UST: variants seen among roughly 807,000 people sequenced by gnomAD.
The protein encoded by UST is uronyl 2-sulfotransferase.
UST carries 21 observed loss-of-function variants against 45.6 expected under a neutral mutation model. That is an observed-to-expected ratio of 0.46 (90% CI 0.33 to 0.66). The LOEUF (loss-of-function observed/expected upper bound fraction) is 0.66. UST is among the 30% of genes least tolerant of loss of function. UST has a pLI of 0.02. For missense variants in UST, 463 were observed against 512.4 expected (o/e 0.90, Z 0.93); for synonymous variants, 215 against 200.6 (o/e 1.07, Z -0.61).
intron 2 of UST, among the ~76,000 whole-genome samples, chr6:148,898,925 A>G (rs1248501587): frequency 2.0e-5 from 3 of 152,174 alleles, no homozygotes; most frequent in South Asian, 2.1e-4. Flanking sequence ...AAATTTTAAA[A>G]TGGCACATTG....
intron 5 of UST, among the ~76,000 whole-genome samples, chr6:149,012,321 T>C (rs963716190): frequency 4.6e-5 from 7 of 152,162 alleles, no homozygotes; most frequent in Non-Finnish European, 1.0e-4. Context: ...TTTTACAAGG[T>C]TGGAAAAAAG....
rs372757358 is a variant in UST at position 148,760,353 on chromosome 6, C to T, written c.247+12676C>T. ...GATGAGGATTTGCACAGCCTCCTCC[C>T]GGTTGCCTGCTACTGACCATCCCAT... On this transcript the variant is annotated intron_variant, in intron 1 of 7. Transcript: ENST00000367463. 1.3e-3 allele frequency among the ~76,000 whole-genome samples: 203 copies of T among 152,270 alleles called. 1 individual carries two copies. The highest frequency in any genetic ancestry group is 4.8e-3 in the African/African-American group (198 of 41,544).
intron 3 of UST, among the ~76,000 whole-genome samples, chr6:148,949,300 AT>A (rs1172078241): frequency 3.7e-5 from 2 of 53,416 alleles, no homozygotes; most frequent in Non-Finnish European, 9.2e-5. Context: ...CAAAATAATA[AT>A]AATAATAATA....
At chr6:148,920,510 C>A (rs1779681680) in intron 2 of UST, among the ~76,000 whole-genome samples, 1 of 152,078 alleles carries the variant, frequency 6.6e-6, no homozygotes, top group Admixed American at 6.6e-5. Flanking sequence ...TCCTGCCCAC[C>A]CTCGAGAGGT....
chr6:148,864,500 C>T (rs1299673561), intron 1 of UST, among the ~76,000 whole-genome samples: 1 of 152,224 alleles, frequency 6.6e-6, no homozygotes, highest in African/African-American at 2.4e-5. Flanking sequence ...CCATGGGCTG[C>T]ATCCACTGTC....
intron 2 of UST, among the ~76,000 whole-genome samples, chr6:148,896,713 C>T (rs965480145): frequency 1.3e-5 from 2 of 152,106 alleles, no homozygotes; most frequent in Admixed American, 6.5e-5. Flanking sequence ...GTCCAATGCA[C>T]TCACCCACCC....
intron 1 of UST, among the ~76,000 whole-genome samples, chr6:148,823,137 A>G (rs796445580): frequency 7.5e-4 from 114 of 152,360 alleles, no homozygotes; most frequent in Admixed American, 1.8e-3. Flanking sequence ...CTACTCTTTT[A>G]GTTGAAAAAT....
chr6:148,861,246 A>G (rs1778305968), intron 1 of UST, among the ~76,000 whole-genome samples: 1 of 152,140 alleles, frequency 6.6e-6, no homozygotes, highest in African/African-American at 2.4e-5. Context: ...GTGTCCAGGA[A>G]TTTATCCATT....
chr6:148,900,045 TTTTCA>T (rs1779217387), intron 2 of UST, among the ~76,000 whole-genome samples: 1 of 152,242 alleles, frequency 6.6e-6, no homozygotes, highest in Non-Finnish European at 1.5e-5. Flanking sequence ...CCTGCTTATC[TTTTCA>T]TTTCCTTTAT....
At chr6:148,925,971 C>T (rs952506542) in intron 2 of UST, among the ~76,000 whole-genome samples, 1 of 152,306 alleles carries the variant, frequency 6.6e-6, no homozygotes, top group Non-Finnish European at 1.5e-5. Context: ...ACAGTGAGTT[C>T]CTTTGACAGC....
chr6:149,012,258 A>G (rs1209663404), intron 5 of UST, among the ~76,000 whole-genome samples: 1 of 152,230 alleles, frequency 6.6e-6, no homozygotes, highest in African/African-American at 2.4e-5. Context: ...TTTCCAATCC[A>G]TTAAGCCTCA....
Position 149,031,222 on chromosome 6 carries a change from AAG to A in UST, c.937+9742_937+9743del, listed in dbSNP as rs1371330464. Among the ~76,000 whole-genome samples, 118 of 19,274 alleles carry A rather than the reference AAG, an allele frequency of 6.1e-3. 1 individual carries two copies. The highest frequency in any genetic ancestry group is 0.052 in the Middle Eastern group (3 of 58). The allele number at this position is 19,274 out of a possible 152,430, so 12.6% of individuals were successfully genotyped here. ...ACTCATCTCAAAAAAAAAAAAAAAA[AAG>A]TCTAAGCTGAAGGCATATAACTGGT... On this transcript the variant is annotated intron_variant, in intron 7 of 7. Transcript: ENST00000367463.
In UST at chr6:148,952,259, C is replaced by T. The variant is rs539466367; in HGVS notation, c.448-1613C>T. ...AAAATCAAAATGAACAACGTGACCA[C>T]GCAGGAAGTTTTACTACCAAAAACA... On this transcript the variant is annotated intron_variant, in intron 3 of 7. Transcript: ENST00000367463. Among the ~76,000 whole-genome samples, 13 of 152,284 alleles carry T rather than the reference C, an allele frequency of 8.5e-5. No homozygotes were observed. The South Asian group carries it at 2.3e-3, about 27-fold the overall frequency.
At chr6:149,035,158 A>G (rs977978073) in intron 7 of UST, among the ~76,000 whole-genome samples, 2 of 151,734 alleles carry the variant, frequency 1.3e-5, no homozygotes, top group Non-Finnish European at 2.9e-5. Flanking sequence ...TCTTTTGAAC[A>G]TTTTTTCTCT....
intron 3 of UST, among the ~76,000 whole-genome samples, chr6:148,950,610 G>GT (rs1270155893): frequency 6.6e-6 from 1 of 152,074 alleles, no homozygotes; most frequent in Non-Finnish European, 1.5e-5. Context: ...CCTTGGTGCC[G>GT]TATCATTTTA....
At chr6:148,767,956 T>G (rs1776351808) in intron 1 of UST, among the ~76,000 whole-genome samples, 1 of 152,232 alleles carries the variant, frequency 6.6e-6, no homozygotes, top group Non-Finnish European at 1.5e-5. Context: ...TTTTTGTGGT[T>G]GTAGGTAAGG....
chr6:148,853,609 C>T (rs1377037317), intron 1 of UST, among the ~76,000 whole-genome samples: 1 of 152,172 alleles, frequency 6.6e-6, no homozygotes, highest in East Asian at 1.9e-4. Context: ...TTCTCTGCAA[C>T]CTCACCGGCA....
chr6:148,964,891 G>A (rs562214698), intron 5 of UST, among the ~76,000 whole-genome samples: 1 of 152,052 alleles, frequency 6.6e-6, no homozygotes, highest in East Asian at 1.9e-4. Flanking sequence ...CAAAGGTGTT[G>A]GGGGGGTGTC....
At chr6:148,906,123 C>T (rs552606940) in intron 2 of UST, among the ~76,000 whole-genome samples, 128 of 152,292 alleles carry the variant, frequency 8.4e-4, no homozygotes, top group African/African-American at 2.8e-3. Context: ...GATGCAGTGC[C>T]TCTAGCGCGG....
Sources: allele counts gnomAD v4.1 joint callset (sites outside exome capture counted in the v4.1 genomes callset), GRCh38; gene constraint gnomAD v4.1.1; transcripts MANE v1.5; gene names NCBI Gene and HGNC (gene_info 2026-07-23, HGNC 2026-07-21).